LTN1: variants seen among roughly 807,000 people sequenced by gnomAD.
The protein encoded by LTN1 is listerin E3 ubiquitin protein ligase 1.
A neutral mutation model predicts 201.2 loss-of-function variants in LTN1; 88 were observed. The observed-to-expected ratio is 0.44, with a 90% confidence interval of 0.37 to 0.52. The LOEUF is 0.52. LTN1 is among the 20% of genes least tolerant of loss of function. The pLI is 0.00. For synonymous variants in LTN1, 645 were observed against 713.5 expected, an observed-to-expected ratio of 0.90 and a Z score of 1.53; for missense variants, 1,752 against 2,038.7, an observed-to-expected ratio of 0.86 and a Z score of 2.71.
At chr21:28,945,996 C>A (rs2084334431) in intron 20 of LTN1, 45 bp from the exon 21 acceptor site, 2 of 1,533,224 alleles carry the variant, frequency 1.3e-6, no homozygotes, top group Non-Finnish European at 1.8e-6. Context: ...ATTATATTGA[C>A]ATTCAATTAG....
At position 28,971,392 on chromosome 21, in the gene LTN1, T is replaced by G; in HGVS notation, c.863A>C (p.Gln288Pro). 2 of 1,614,134 alleles carry G rather than the reference T, an allele frequency of 1.2e-6. No individual in the cohort carries two copies. Among genetic ancestry groups the G allele is most frequent in the Non-Finnish European group, 8.5e-7 (1 of 1,180,004 alleles). Residue 288 changes from glutamine to proline, a missense_variant, in exon 7 of 30, where the codon CAG becomes CCG. Coordinates refer to ENST00000361371, the MANE Select transcript of LTN1 (RefSeq NM_015565.3). ...LVSALCQRIP[Q>P]LMKEEASKVS... ...TTTGGATGCTTCCTCTTTCATCAAC[T>G]GTGGAATGCGCTGGCACAATGCAGA...
intron 16 of LTN1, among the ~76,000 whole-genome samples, chr21:28,955,938 A>T (rs1398401902): frequency 4.6e-5 from 7 of 151,596 alleles, no homozygotes; most frequent in East Asian, 1.9e-4. Context: ...AAAAAAAAAA[A>T]AAAAAAGGAA....
chr21:28,978,371 GATC>G (rs1308247316), intron 6 of LTN1, among the ~76,000 whole-genome samples: 1 of 151,842 alleles, frequency 6.6e-6, no homozygotes, highest in Non-Finnish European at 1.5e-5. Flanking sequence ...CATGACCACA[GATC>G]AACAGGGAAA....
Position 28,941,284 on chromosome 21 carries a change from T to C in LTN1, c.4418A>G (p.Tyr1473Cys). Residue 1473 changes from tyrosine (Y) to cysteine (C), a missense_variant, in exon 25 of 30, where the codon TAT (tyrosine) becomes TGT (cysteine). Physicochemically the swap from Tyr to Cys is radical, Grantham distance 194. Around this residue, in one of 3 missense-constraint regions of LTN1, gnomAD observed 1,211 missense variants for 1,312.8 expected, o/e 0.92. Transcript: ENST00000361371. ...TIKPLSEDFC[Y>C]VLGYLLTWKL... ...CCAAGTGAGAAGGTATCCCAGAACA[T>C]AACAGAAGTCTTCACTCAGTGGTTT... is the stretch of plus-strand genomic sequence containing the variant. 6.2e-7 allele frequency: 1 copy of C among 1,613,488 alleles called. No homozygotes were observed. The highest frequency in any genetic ancestry group is 8.5e-7 in the Non-Finnish European group (1 of 1,179,658).
intron 21 of LTN1, 78 bp from the exon 22 acceptor site, chr21:28,944,674 C>G (rs1193763635): frequency 3.0e-6 from 3 of 984,522 alleles, no homozygotes; most frequent in Non-Finnish European, 3.0e-6. Flanking sequence ...TAAAGAAAAG[C>G]CCCACTTTCA....
chr21:28,987,644 C>T (rs2245734), intron 1 of LTN1, among the ~76,000 whole-genome samples: 56,941 of 152,056 alleles, frequency 0.37, 11,901 homozygotes, highest in South Asian at 0.48. Context: ...GACTGATACA[C>T]AATATAGTAG....
At chr21:28,967,337 G>C (rs959678647) in intron 9 of LTN1, among the ~76,000 whole-genome samples, 158 bp from the exon 10 acceptor site, 2 of 152,138 alleles carry the variant, frequency 1.3e-5, no homozygotes, top group Non-Finnish European at 2.9e-5. Flanking sequence ...CAGGATGGGG[G>C]CTGATCACCA....
In LTN1 at chr21:28,969,463, T is replaced by A; in HGVS notation, c.1311+3A>T. ...AGACTGACGACTTTTACATTATAGA[T>A]ACCTGATCATTGACGAGCATCTGTT... is the stretch of plus-strand genomic sequence containing the variant. On this transcript the variant is annotated splice_donor_region_variant and intron_variant, in intron 9 of 29. Transcript: ENST00000361371. 6.2e-7 allele frequency: 1 copy of A among 1,608,138 alleles called. No individual in the cohort carries two copies. Among genetic ancestry groups the A allele is most frequent in the Non-Finnish European group, 8.5e-7 (1 of 1,178,348 alleles).
At position 28,986,939 on chromosome 21, in the gene LTN1, TAAG is replaced by T. The variant is rs981249808; in HGVS notation, c.43-8_43-6del. The T allele has an allele frequency of 6.2e-7, 1 of 1,609,992 alleles. No individual in the cohort carries two copies. Among genetic ancestry groups the T allele is most frequent in the Admixed American group, 1.7e-5 (1 of 60,010 alleles). On this transcript the variant is annotated splice_polypyrimidine_tract_variant and splice_region_variant and intron_variant, in intron 1 of 29. Coordinates refer to ENST00000361371, the MANE Select transcript of LTN1 (RefSeq NM_015565.3). The surrounding 1 kb of genome is among the most constrained non-coding windows in gnomAD (Gnocchi z 4.1). ...AGCTCGGCCACTGTTTGAAGGCTGATAAGAAAATTACGGAGAAAAAAGTCAGAG... is the reference window on the plus strand; with the variant it reads ...AGCTCGGCCACTGTTTGAAGGCTGATAAAATTACGGAGAAAAAAGTCAGAG...
intron 1 of LTN1, among the ~76,000 whole-genome samples, chr21:28,991,119 A>G (rs1459411069): frequency 2.6e-5 from 4 of 151,372 alleles, no homozygotes; most frequent in Non-Finnish European, 2.9e-5. Flanking sequence ...CCTGGGTAAC[A>G]GAGCCAGACT....
rs1451570677 is a variant in LTN1, at chr21:28,986,466, T to C, written c.247-229A>G. The C allele has an allele frequency of 3.0e-6, 2 of 674,292 alleles. No homozygotes were observed. Among genetic ancestry groups the C allele is most frequent in the East Asian group, 2.8e-5 (1 of 35,882 alleles). The allele number at this position is 674,292 out of a possible 1,614,324, so 41.8% of individuals were successfully genotyped here. On this transcript the variant is annotated intron_variant, in intron 2 of 29. Coordinates refer to ENST00000361371, the MANE Select transcript of LTN1 (RefSeq NM_015565.3). The surrounding 1 kb of genome is among the most constrained non-coding windows in gnomAD (Gnocchi z 4.1). ...CAAACAAAAAAACCTCATTTAAAGTTACAAGGTCAAAGTTACATTCCCTAA... is the reference window on the plus strand; with the variant it reads ...CAAACAAAAAAACCTCATTTAAAGTCACAAGGTCAAAGTTACATTCCCTAA...
chr21:28,974,706 G>A (rs1232297355), intron 6 of LTN1, among the ~76,000 whole-genome samples: 1 of 152,008 alleles, frequency 6.6e-6, no homozygotes, highest in Non-Finnish European at 1.5e-5. Context: ...GAAAGGAGAG[G>A]GCCACAGAAA....
At chr21:28,981,766 T>C (rs772354296) in intron 5 of LTN1, among the ~76,000 whole-genome samples, 3 of 152,196 alleles carry the variant, frequency 2.0e-5, no homozygotes, top group Non-Finnish European at 2.9e-5. Flanking sequence ...AGGAAACATA[T>C]AAAAACATCT....
chr21:28,960,621 T>G lies in LTN1; in HGVS notation c.2249A>C (p.Asp750Ala). ...ILGEKLVNLADCLCNEDLESR... is the reference protein window; with the variant it reads ...ILGEKLVNLAACLCNEDLESR... Reference sequence around the variant, plus strand: ...TTCCAAGTCCTCATTACAAAGACAATCTGCCAAGTTGACCAATTTCTCACC... The same window carrying G: ...TTCCAAGTCCTCATTACAAAGACAAGCTGCCAAGTTGACCAATTTCTCACC... The change falls in exon 12 of 30, where the codon GAT becomes GCT. Residue 750 changes from aspartate to alanine, a missense_variant. This residue lies in a region of LTN1 where 1,211 missense variants were observed against 1,312.8 expected (regional missense o/e 0.92). Transcript: ENST00000361371. The G allele has an allele frequency of 6.2e-7, 1 of 1,614,008 alleles. No homozygotes were observed. Among genetic ancestry groups the G allele is most frequent in the Non-Finnish European group, 8.5e-7 (1 of 1,179,894 alleles).
At chr21:28,982,189 C>T in intron 5 of LTN1, 127 bp downstream of exon 5, 1 of 733,690 alleles carries the variant, frequency 1.4e-6, no homozygotes, top group Non-Finnish European at 2.3e-6. Flanking sequence ...TGCAATCCAG[C>T]CTGGGTGACA....
intron 21 of LTN1, among the ~76,000 whole-genome samples, chr21:28,945,406 C>T (rs114604615): frequency 0.012 from 1,793 of 152,250 alleles, 46 homozygotes; most frequent in African/African-American, 0.04. Flanking sequence ...AAAAATTACA[C>T]TAATTCCCTC....
At chr21:28,988,017 C>T (rs1280853713) in intron 1 of LTN1, among the ~76,000 whole-genome samples, 1 of 152,200 alleles carries the variant, frequency 6.6e-6, no homozygotes, top group African/African-American at 2.4e-5. Context: ...GTGGCGCACG[C>T]CTGTAATCCC....
chr21:28,984,028 G>A (rs185449390), intron 4 of LTN1, among the ~76,000 whole-genome samples: 48 of 152,214 alleles, frequency 3.2e-4, no homozygotes, highest in Non-Finnish European at 6.3e-4. Context: ...AGCCCAGTGT[G>A]GAGAAACTTT....
At chr21:28,937,529 T>C (rs560275118) in intron 25 of LTN1, among the ~76,000 whole-genome samples, 4 of 152,324 alleles carry the variant, frequency 2.6e-5, no homozygotes, top group Admixed American at 6.5e-5. Context: ...GTGTAAAATA[T>C]AGCATTTTCT....
Sources: gnomAD v4.1 joint callset for allele counts (sites outside exome capture counted in the v4.1 genomes callset) on GRCh38, gnomAD v4.1.1 for gene constraint, gnomAD v4.1.1 regional missense constraint, Gnocchi (gnomAD v3.1) non-coding constraint, MANE v1.5 for transcripts, NCBI Gene and HGNC (gene_info 2026-07-23, HGNC 2026-07-21) for gene names.